Variants in PARD6G observed in about 807,000 individuals in gnomAD.
The protein encoded by PARD6G is par-6 family cell polarity regulator gamma.
PARD6G carries 7 observed loss-of-function variants against 10.7 expected under a neutral mutation model. The observed-to-expected ratio is 0.66, with a 90% CI of 0.37 to 1.23. PARD6G has a LOEUF of 1.23. PARD6G is among the 50% of genes most tolerant of loss of function. PARD6G has a pLI of 0.02. For missense variants in PARD6G, 548 were observed against 571.8 expected (o/e 0.96, Z 0.42); for synonymous variants, 287 against 269.4 (o/e 1.07, Z -0.64).
chr18:80,197,823 G>C (rs1342837229), intron 2 of PARD6G, among the ~76,000 whole-genome samples: 2 of 152,238 alleles, frequency 1.3e-5, no homozygotes, highest in African/African-American at 4.8e-5. Flanking sequence ...CCTTGGGGAG[G>C]CAGGGGAACA....
At chr18:80,170,926 G>A (rs1467952342) in intron 2 of PARD6G, 2 of 152,154 alleles carry the variant, frequency 1.3e-5, no homozygotes, top group South Asian at 2.1e-4. Flanking sequence ...CAGGCAAGGA[G>A]AGGAGGCTAT....
intron 2 of PARD6G, among the ~76,000 whole-genome samples, chr18:80,195,678 G>C (rs184330971): frequency 1.3e-5 from 2 of 149,316 alleles, no homozygotes; most frequent in African/African-American, 4.9e-5. Context: ...AGGAGTTCCA[G>C]ACTGGCCAAA....
At chr18:80,218,948 C>G (rs1257356462) in intron 1 of PARD6G, among the ~76,000 whole-genome samples, 2 of 152,220 alleles carry the variant, frequency 1.3e-5, no homozygotes, top group African/African-American at 4.8e-5. Flanking sequence ...ATGTTGGCCC[C>G]TTTTAGCCGC....
intron 1 of PARD6G, among the ~76,000 whole-genome samples, chr18:80,224,503 T>C (rs1001479602): frequency 6.6e-6 from 1 of 152,194 alleles, no homozygotes; most frequent in Non-Finnish European, 1.5e-5. Context: ...GCTTCAAAGC[T>C]GGATATCTGT....
At chr18:80,243,744 T>C (rs1967513878) in intron 1 of PARD6G, among the ~76,000 whole-genome samples, 1 of 152,058 alleles carries the variant, frequency 6.6e-6, no homozygotes. Flanking sequence ...AGAATGACTT[T>C]GTAGAAGAGG....
At chr18:80,214,328 G>C (rs917496660) in intron 1 of PARD6G, among the ~76,000 whole-genome samples, 2 of 151,792 alleles carry the variant, frequency 1.3e-5, no homozygotes, top group Admixed American at 6.6e-5. Context: ...AGCCAGGTGT[G>C]GGGGGTGAGC....
At chr18:80,196,260 A>G (rs1180507478) in intron 2 of PARD6G, among the ~76,000 whole-genome samples, 1 of 152,224 alleles carries the variant, frequency 6.6e-6, no homozygotes, top group Non-Finnish European at 1.5e-5. Flanking sequence ...CTGTTTGTGT[A>G]AAACTACGTC....
chr18:80,221,991 C>A (rs1967235484), intron 1 of PARD6G, among the ~76,000 whole-genome samples: 1 of 151,936 alleles, frequency 6.6e-6, no homozygotes, highest in African/African-American at 2.4e-5. Context: ...AAGATTTATA[C>A]ATTGAAAACT....
Position 80,226,151 on chromosome 18 carries a change from G to GT in PARD6G, c.72+21125dup, listed in dbSNP as rs10606939. 2.1e-3 allele frequency among the ~76,000 whole-genome samples: 161 copies of GT among 76,560 alleles called. 10 individuals are homozygous for GT. The highest frequency in any genetic ancestry group is 2.6e-3 in the Non-Finnish European group (110 of 41,674). The allele number at this position is 76,560 out of a possible 152,430, so 50.2% of individuals were successfully genotyped here. ...TCCCCACAGGTAACCAATGACTTCAGTTTTTTTTTTTTTTTTTTTTTTTTT... is the reference window on the plus strand; with the variant it reads ...TCCCCACAGGTAACCAATGACTTCAGTTTTTTTTTTTTTTTTTTTTTTTTTT... On this transcript the variant is annotated intron_variant, in intron 1 of 2. Transcript: ENST00000353265.
chr18:80,185,649 T>A (rs1233792960), intron 2 of PARD6G, among the ~76,000 whole-genome samples: 6 of 149,350 alleles, frequency 4.0e-5, no homozygotes, highest in African/African-American at 1.5e-4. Flanking sequence ...CACACGCATA[T>A]ACCCTCATAT....
chr18:80,163,287 G>A (rs1049138173), intron 2 of PARD6G, among the ~76,000 whole-genome samples: 7 of 152,180 alleles, frequency 4.6e-5, no homozygotes, highest in Non-Finnish European at 8.8e-5. Flanking sequence ...GGGCAGGTGA[G>A]GCCTGAGATG....
chr18:80,247,213 G>C lies in PARD6G; in HGVS notation c.72+64C>G. 7.4e-7 allele frequency: 1 copy of C among 1,356,086 alleles called. No individual in the cohort carries two copies. Among genetic ancestry groups the C allele is most frequent in the South Asian group, 1.3e-5 (1 of 77,254 alleles). 84.0% of individuals were successfully genotyped at this position (1,356,086 alleles called of 1,614,324 possible). On this transcript the variant is annotated intron_variant, in intron 1 of 2. Transcript: ENST00000353265. This position sits in a 1 kb window ranked among gnomAD's most constrained non-coding sequence, Gnocchi z 4.2. ...CCACGCCGCCCCAGTCCCCCTCCGC[G>C]GGGCGCCCCATTCATTAGCCAGGAG...
At chr18:80,216,176 T>C (rs1275379317) in intron 1 of PARD6G, among the ~76,000 whole-genome samples, 1 of 152,120 alleles carries the variant, frequency 6.6e-6, no homozygotes, top group African/African-American at 2.4e-5. Flanking sequence ...CAACAATAAA[T>C]GTTGGAGACT....
chr18:80,247,225 T>G lies in PARD6G; in HGVS notation c.72+52A>C. 6.9e-7 allele frequency: 1 copy of G among 1,439,230 alleles called. No homozygotes were observed. Among genetic ancestry groups the G allele is most frequent in the Non-Finnish European group, 9.5e-7 (1 of 1,055,912 alleles). 89.2% of individuals were successfully genotyped at this position (1,439,230 alleles called of 1,614,324 possible). A position where few individuals can be genotyped will look rare whatever the true frequency, so the allele number is the denominator to read the frequency against. ...AGTCCCCCTCCGCGGGGCGCCCCAT[T>G]CATTAGCCAGGAGACTGGGCGCAGG... On this transcript the variant is annotated intron_variant, in intron 1 of 2. Coordinates refer to ENST00000353265, the MANE Select transcript of PARD6G (RefSeq NM_032510.4). This position sits in a 1 kb window ranked among gnomAD's most constrained non-coding sequence, Gnocchi z 4.2.
chr18:80,196,585 CTACAGGAGAATACAAGTTAGTCATCTGTT>C (rs1256638228), intron 2 of PARD6G, among the ~76,000 whole-genome samples: 2 of 152,146 alleles, frequency 1.3e-5, no homozygotes, highest in Non-Finnish European at 2.9e-5. Flanking sequence ...TTTGCTGGGA[CTACAGGAGAATACAAGTTAGTCATCTGTT>C]TCCCTCTCTG....
rs978006872 is a variant in PARD6G at position 80,201,903 on chromosome 18, G to C, written c.295+807C>G. On this transcript the variant is annotated intron_variant, in intron 2 of 2. Coordinates refer to ENST00000353265, the MANE Select transcript of PARD6G (RefSeq NM_032510.4). The surrounding 1 kb of genome is among the most constrained non-coding windows in gnomAD (Gnocchi z 5.9). ...CCTTTCCTCCGGGAAACCTCTCCTA[G>C]CTGTCCCAGAGACTCTGGCAGCAGA... The C allele has an allele frequency of 6.6e-6, 1 of 152,242 alleles. No individual in the cohort carries two copies. Among genetic ancestry groups the C allele is most frequent in the African/African-American group, 2.4e-5 (1 of 41,452 alleles). The allele number at this position is 152,242 out of a possible 1,614,324, so 9.4% of individuals were successfully genotyped here.
At chr18:80,193,215 T>G (rs1369419044) in intron 2 of PARD6G, among the ~76,000 whole-genome samples, 1 of 152,034 alleles carries the variant, frequency 6.6e-6, no homozygotes, top group Non-Finnish European at 1.5e-5. Flanking sequence ...TGGGGTGTGG[T>G]CAGTACACAG....
chr18:80,186,746 T>C (rs181492302), intron 2 of PARD6G, among the ~76,000 whole-genome samples: 17 of 152,146 alleles, frequency 1.1e-4, no homozygotes, highest in Non-Finnish European at 1.8e-4. Flanking sequence ...TAACATAAAA[T>C]TTTACCCTCG....
chr18:80,209,980 T>TA (rs1568437967), intron 1 of PARD6G, among the ~76,000 whole-genome samples: 1 of 152,198 alleles, frequency 6.6e-6, no homozygotes, highest in Non-Finnish European at 1.5e-5. Context: ...CCCCCAACTC[T>TA]AACTTCTTAT....
Sources: allele counts gnomAD v4.1 joint callset (sites outside exome capture counted in the v4.1 genomes callset), GRCh38; gene constraint gnomAD v4.1.1; non-coding constraint Gnocchi (gnomAD v3.1); transcripts MANE v1.5; gene names NCBI Gene and HGNC (gene_info 2026-07-23, HGNC 2026-07-21).